The following SF1 variants were observed in gnomAD, a reference collection of about 807,000 sequenced individuals.
SF1 encodes the protein branch point-binding protein.
SF1 carries 7 observed loss-of-function variants against 62.5 expected under a neutral mutation model. The observed-to-expected ratio is 0.11, with a 90% confidence interval of 0.06 to 0.21. The LOEUF (loss-of-function observed/expected upper bound fraction) is 0.21. SF1 is among the 10% of genes least tolerant of loss of function. SF1 has a pLI of 1.00. For synonymous variants in SF1, 394 were observed against 323.6 expected (o/e 1.22, Z -2.33); for missense variants, 578 against 884.0 (o/e 0.65, Z 4.39).
chr11:64,770,704 C>T, intron 3 of SF1: 1 of 272,684 alleles, frequency 3.7e-6, no homozygotes, highest in Non-Finnish European at 7.0e-6. Flanking sequence ...CTGTAAGTGG[C>T]AAGGACAGTA....
At chr11:64,775,247 ATAGC>A in intron 2 of SF1, among the ~76,000 whole-genome samples, 1 of 152,220 alleles carries the variant, frequency 6.6e-6, no homozygotes, top group East Asian at 1.9e-4. Context: ...TATTTTGATT[ATAGC>A]TATAAATAGT....
At chr11:64,777,819 G>A (rs1272125888) in intron 1 of SF1, 6 of 917,514 alleles carry the variant, frequency 6.5e-6, no homozygotes, top group Non-Finnish European at 7.7e-6. Context: ...GTGCGCACTC[G>A]AGGCCCTAGA....
Position 64,768,094 on chromosome 11 carries a change from C to T in SF1, c.1068+12G>A, listed in dbSNP as rs752546083. ...GGGAAGCCAGACCAAGAGAGCCAGCCCCCAGGCTCACCGGTGGAGGTGGGT... is the reference window on the plus strand; with the variant it reads ...GGGAAGCCAGACCAAGAGAGCCAGCTCCCAGGCTCACCGGTGGAGGTGGGT... On this transcript the variant is annotated intron_variant, in intron 9 of 12. Transcript: ENST00000377390. 2 of 1,605,306 alleles carry T rather than the reference C, an allele frequency of 1.2e-6. No individual in the cohort carries two copies. The highest frequency in any genetic ancestry group is 2.2e-5 in the South Asian group (2 of 90,260).
rs930606937 is a variant in SF1 at position 64,767,214 on chromosome 11, G to A, written c.1380C>T (p.Val460=). ...YLGSTPVGSG[V]YRLHQGKGMM... ...TACCTTTTCCTTGATGCAGGCGATA[G>A]ACCCCAGAGCCCACAGGCGTACTTC... The change falls in exon 11 of 13, where the codon GTC becomes GTT. Residue 460 remains valine, a synonymous_variant. Transcript: ENST00000377390. 12 of 1,613,984 alleles carry A rather than the reference G, an allele frequency of 7.4e-6. No homozygotes were observed. The highest frequency in any genetic ancestry group is 1.1e-5 in the South Asian group (1 of 91,084).
intron 3 of SF1, chr11:64,772,462 T>A: frequency 2.0e-6 from 2 of 985,336 alleles, no homozygotes; most frequent in Non-Finnish European, 2.4e-6. Flanking sequence ...TAATGTTTCC[T>A]GGCAAAGGGC....
In SF1 at chr11:64,765,755, T is replaced by C. The variant is rs1380521407; in HGVS notation, c.*63A>G. Reference sequence around the variant, plus strand: ...AATGTCTGGCTCCATATGGTGAGGTTCGGCGTGTTTAAACGAGACCAATTC... The same window carrying C: ...AATGTCTGGCTCCATATGGTGAGGTCCGGCGTGTTTAAACGAGACCAATTC... On this transcript the variant is annotated 3_prime_UTR_variant, in exon 13 of 13. Transcript: ENST00000377390. The C allele has an allele frequency of 5.4e-6, 8 of 1,480,816 alleles. No homozygotes were observed. Among genetic ancestry groups the C allele is most frequent in the Non-Finnish European group, 7.2e-6 (8 of 1,117,112 alleles). The allele number at this position is 1,480,816 out of a possible 1,614,324, so 91.7% of individuals were successfully genotyped here. A position where few individuals can be genotyped will look rare whatever the true frequency, so the allele number is the denominator to read the frequency against.
chr11:64,768,060 T>C (rs1937638243), intron 9 of SF1, 46 bp downstream of exon 9: 2 of 1,564,424 alleles, frequency 1.3e-6, no homozygotes, highest in Admixed American at 1.9e-5. Context: ...GTCTCTGCAG[T>C]AGAGAATGGG....
At position 64,769,144 on chromosome 11, in the gene SF1, A is replaced by C; in HGVS notation, c.780-15T>G. 1 of 1,612,660 alleles carries C rather than the reference A, an allele frequency of 6.2e-7. No homozygotes were observed. Among genetic ancestry groups the C allele is most frequent in the Non-Finnish European group, 8.5e-7 (1 of 1,178,648 alleles). On this transcript the variant is annotated splice_polypyrimidine_tract_variant and intron_variant, in intron 7 of 12. Transcript: ENST00000377390. ...GTCTTAAGATCCTATTAAAGGAAAA[A>C]GAGGTCAATGCAAGGGAACAATCTC... is the stretch of plus-strand genomic sequence containing the variant.
At chr11:64,776,650 T>C (rs756605611) in intron 1 of SF1, 24 bp from the exon 2 acceptor site, 8 of 1,604,462 alleles carry the variant, frequency 5.0e-6, no homozygotes, top group Non-Finnish European at 5.1e-6. Flanking sequence ...ACAAAATCCA[T>C]CCGATGTAAA....
At chr11:64,774,046 T>A (rs1938736790) in intron 2 of SF1, among the ~76,000 whole-genome samples, 1 of 152,244 alleles carries the variant, frequency 6.6e-6, no homozygotes, top group Non-Finnish European at 1.5e-5. Context: ...AGACATTTAA[T>A]AACAAAATTC....
intron 5 of SF1, 69 bp from the exon 6 acceptor site, chr11:64,769,678 C>A: frequency 1.4e-6 from 2 of 1,426,886 alleles, no homozygotes; most frequent in Non-Finnish European, 1.9e-6. Context: ...GAGGCTGGAC[C>A]AATTTGGCAT....
chr11:64,778,398 C>T lies in SF1; in HGVS notation c.-6G>A. 2 of 1,228,634 alleles carry T rather than the reference C, an allele frequency of 1.6e-6. No homozygotes were observed. Among genetic ancestry groups the T allele is most frequent in the Non-Finnish European group, 2.0e-6 (2 of 984,824 alleles). The allele number at this position is 1,228,634 out of a possible 1,614,324, so 76.1% of individuals were successfully genotyped here. On this transcript the variant is annotated 5_prime_UTR_variant, in exon 1 of 13. Coordinates refer to ENST00000377390, the MANE Select transcript of SF1 (RefSeq NM_004630.4). Reference sequence around the variant, plus strand: ...GCGTTCGCTCCGGTCGCCATGGCGCCCCCGGGGACAGGCACCGGCACCTGC... The same window carrying T: ...GCGTTCGCTCCGGTCGCCATGGCGCTCCCGGGGACAGGCACCGGCACCTGC...
chr11:64,773,324 G>GTT, intron 3 of SF1, 106 bp downstream of exon 3: 1 of 1,534,152 alleles, frequency 6.5e-7, no homozygotes, highest in East Asian at 2.4e-5. Flanking sequence ...GGGTACAGTC[G>GTT]TCATACTATG....
At chr11:64,778,028 G>A in intron 1 of SF1, 1 of 1,007,998 alleles carries the variant, frequency 9.9e-7, no homozygotes. Flanking sequence ...GTCCTTACGC[G>A]GCGGCTGGGG....
At chr11:64,777,776 TCCCGCCC>T in intron 1 of SF1, 8 of 960,498 alleles carry the variant, frequency 8.3e-6, no homozygotes, top group Admixed American at 6.2e-5. Flanking sequence ...ACAGAGCGCC[TCCCGCCC>T]GCCCAGCCCT....
Position 64,767,193 on chromosome 11 carries a change from T to C in SF1, c.1401A>G (p.Lys467=). The change falls in exon 11 of 13, where the codon AAA becomes AAG. Residue 467 remains lysine, a splice_region_variant and synonymous_variant. Transcript: ENST00000377390. ...GSGVYRLHQG[K]GMMPPPPMGM... ...CCACAGCCAGCAGACAGCCATTACC[T>C]TTTCCTTGATGCAGGCGATAGACCC... The C allele has an allele frequency of 6.2e-7, 1 of 1,613,822 alleles. No homozygotes were observed. The highest frequency in any genetic ancestry group is 8.5e-7 in the Non-Finnish European group (1 of 1,179,774).
intron 1 of SF1, chr11:64,778,040 G>A: frequency 9.9e-7 from 1 of 1,011,374 alleles, no homozygotes; most frequent in Non-Finnish European, 1.2e-6. Flanking sequence ...CGGCTGGGGT[G>A]GCGGCGGCTG....
At chr11:64,776,214 A>G (rs1939217828) in intron 2 of SF1, 3 of 363,992 alleles carry the variant, frequency 8.2e-6, no homozygotes, top group Non-Finnish European at 1.5e-5. Context: ...GGCAATGAAC[A>G]GCAGCTGAAA....
intron 7 of SF1, 36 bp downstream of exon 7, chr11:64,769,187 C>T: frequency 6.2e-7 from 1 of 1,609,190 alleles, no homozygotes; most frequent in Non-Finnish European, 8.5e-7. Flanking sequence ...ATAGGTTCTT[C>T]AGGTCTCTAC....
Sources: allele counts gnomAD v4.1 joint callset (sites outside exome capture counted in the v4.1 genomes callset), GRCh38; gene constraint gnomAD v4.1.1; transcripts MANE v1.5; gene names NCBI Gene and HGNC (gene_info 2026-07-23, HGNC 2026-07-21).